Variants in COBLL1 observed in about 807,000 individuals in gnomAD.
COBLL1 encodes cordon-bleu WH2 repeat protein like 1, also known as cordon-bleu protein-like 1.
In COBLL1, 50 loss-of-function variants were observed where a neutral mutation model predicts 94.8. The observed-to-expected ratio is 0.53, with a 90% confidence interval of 0.42 to 0.67. The LOEUF (loss-of-function observed/expected upper bound fraction) is 0.67, where lower values mean the gene tolerates loss of function less well. COBLL1 is among the 30% of genes least tolerant of loss of function. The probability of loss-of-function intolerance (pLI) is 0.00; values close to 1 mark genes in which losing one functional copy is unlikely to be tolerated. For missense variants in COBLL1, 1,362 were observed against 1,348.7 expected (o/e 1.01, Z -0.15); for synonymous variants, 448 against 473.8 (o/e 0.95, Z 0.71).
rs118152112 is a variant in COBLL1 at position 164,663,145 on chromosome 2, C to T, written n.181+2702G>A. On this transcript the variant is annotated intron_variant and non_coding_transcript_variant, in intron 2 of 2. Transcript: ENST00000495084. ...TTGTTTTATCATGTTTTATTGCCTT[C>T]GTTTAATATTCTGAGGGCATAGGGC... 8.3e-4 allele frequency among the ~76,000 whole-genome samples: 127 copies of T among 152,166 alleles called. No homozygotes were observed. In the East Asian group the frequency reaches 0.022, roughly 27 times the overall value.
At chr2:164,823,348 CT>C (rs1685274360) in intron 2 of COBLL1, among the ~76,000 whole-genome samples, 1 of 152,086 alleles carries the variant, frequency 6.6e-6, no homozygotes, top group African/African-American at 2.4e-5. Context: ...ACTTCTTTTT[CT>C]TCTTAGAATG....
intron 2 of COBLL1, among the ~76,000 whole-genome samples, chr2:164,754,353 T>C (rs1271444750): frequency 6.6e-6 from 1 of 152,148 alleles, no homozygotes; most frequent in African/African-American, 2.4e-5. Context: ...TTCCAGTAAA[T>C]AGAATGCAGC....
intron 11 of COBLL1, among the ~76,000 whole-genome samples, chr2:164,699,178 A>T (rs1684105774): frequency 6.6e-6 from 1 of 152,000 alleles, no homozygotes; most frequent in Non-Finnish European, 1.5e-5. Flanking sequence ...TAGGTTCACC[A>T]CTTACCGTAG....
At chr2:164,824,317 G>T (rs1685327446) in intron 2 of COBLL1, among the ~76,000 whole-genome samples, 1 of 151,704 alleles carries the variant, frequency 6.6e-6, no homozygotes, top group Admixed American at 6.6e-5. Flanking sequence ...GGAGGTGGAG[G>T]TTGCAGTAAG....
At chr2:164,759,024 A>G (rs1319183617) in intron 2 of COBLL1, among the ~76,000 whole-genome samples, 2 of 152,180 alleles carry the variant, frequency 1.3e-5, no homozygotes, top group Non-Finnish European at 2.9e-5. Flanking sequence ...AGTTATAATT[A>G]TTAAAATATA....
intron 2 of COBLL1, among the ~76,000 whole-genome samples, chr2:164,821,973 C>T (rs1685190879): frequency 6.6e-6 from 1 of 152,198 alleles, no homozygotes; most frequent in African/African-American, 2.4e-5. Flanking sequence ...AACTTAGCTA[C>T]AGACATTTAA....
chr2:164,765,993 TTC>T (rs1011295907), intron 2 of COBLL1, among the ~76,000 whole-genome samples: 147 of 152,178 alleles, frequency 9.7e-4, no homozygotes, highest in African/African-American at 3.5e-3. Context: ...TTACAGTGTT[TTC>T]TGTCTCTCTA....
chr2:164,705,862 C>T (rs1392410069), intron 7 of COBLL1, among the ~76,000 whole-genome samples: 2 of 152,008 alleles, frequency 1.3e-5, no homozygotes, highest in East Asian at 3.9e-4. Context: ...AGTGAAAGCC[C>T]GTCTCTACTA....
intron 3 of COBLL1, among the ~76,000 whole-genome samples, chr2:164,733,563 A>G (rs901138607): frequency 1.3e-5 from 2 of 152,236 alleles, no homozygotes; most frequent in African/African-American, 2.4e-5. Flanking sequence ...TCCTATTGCC[A>G]GACAAATAAA....
At chr2:164,793,858 G>A (rs11901922) in intron 2 of COBLL1, among the ~76,000 whole-genome samples, 6,069 of 152,266 alleles carry the variant, frequency 0.04, 287 homozygotes, top group African/African-American at 0.12. Context: ...AACTGTGACG[G>A]AGTATGGAAA....
chr2:164,778,857 T>C (rs1196133605), intron 2 of COBLL1, among the ~76,000 whole-genome samples: 3 of 152,040 alleles, frequency 2.0e-5, no homozygotes, highest in African/African-American at 4.8e-5. Context: ...ATTTAAGTGA[T>C]AGATCAGCAA....
Position 164,682,384 on chromosome 2 carries a change from T to G in COBLL1, c.*3562A>C, listed in dbSNP as rs572394599. 1.3e-5 allele frequency: 2 copies of G among 152,350 alleles called. No homozygotes were observed. The highest frequency in any genetic ancestry group is 6.5e-5 in the Admixed American group (1 of 15,292). 9.4% of individuals were successfully genotyped at this position (152,350 alleles called of 1,614,324 possible). Reference sequence around the variant, plus strand: ...TCTTAGTTCTTTGATACTTATTTTCTCTACTGGTAGTGGGTACAAAGTAAA... The same window carrying G: ...TCTTAGTTCTTTGATACTTATTTTCGCTACTGGTAGTGGGTACAAAGTAAA... On this transcript the variant is annotated 3_prime_UTR_variant, in exon 14 of 14. Transcript: ENST00000652658.
chr2:164,711,090 A>G (rs2105471935), intron 7 of COBLL1, among the ~76,000 whole-genome samples: 1 of 152,250 alleles, frequency 6.6e-6, no homozygotes, highest in African/African-American at 2.4e-5. Flanking sequence ...AAGCGGTTGA[A>G]CCAGGAAACA....
intron 2 of COBLL1, among the ~76,000 whole-genome samples, chr2:164,781,790 C>T (rs1688734971): frequency 6.6e-6 from 1 of 152,130 alleles, no homozygotes; most frequent in Admixed American, 6.5e-5. Flanking sequence ...CAAGACAAAA[C>T]AAAGCATAAA....
chr2:164,785,850 AG>A (rs904189373), intron 2 of COBLL1, among the ~76,000 whole-genome samples: 6 of 152,174 alleles, frequency 3.9e-5, no homozygotes, highest in Non-Finnish European at 8.8e-5. Flanking sequence ...TCAGGGGCAT[AG>A]GCTACAGCTG....
At position 164,743,630 on chromosome 2, in the gene COBLL1, A is replaced by G. The variant is rs1686707760; in HGVS notation, c.230+57T>C. On this transcript the variant is annotated intron_variant, in intron 3 of 13. Coordinates refer to ENST00000652658, the MANE Select transcript of COBLL1 (RefSeq NM_001365672.2). The stretch of plus-strand genomic sequence containing the variant: ...AAACATCAAGACGTATATCACAGAG[A>G]CTTTCAATGGTGGAATAAGAAGGGG... 5.2e-6 allele frequency: 7 copies of G among 1,347,724 alleles called. No individual in the cohort carries two copies. In the East Asian group the frequency reaches 1.4e-4, roughly 27 times the overall value. 83.5% of individuals were successfully genotyped at this position (1,347,724 alleles called of 1,614,324 possible).
In COBLL1 at chr2:164,745,013, C is replaced by T. The variant is rs192802218; in HGVS notation, c.42-1138G>A. On this transcript the variant is annotated intron_variant, in intron 2 of 13. Coordinates refer to ENST00000652658, the MANE Select transcript of COBLL1 (RefSeq NM_001365672.2). The stretch of plus-strand genomic sequence containing the variant: ...TTGAAACTATTACCTTTATAAAAGG[C>T]TAATTGGTTTTAGAAAAATGAATAC... Among the ~76,000 whole-genome samples the T allele has an allele frequency of 7.9e-5, 12 of 152,222 alleles. No homozygotes were observed. In the East Asian group the frequency reaches 2.3e-3, roughly 29 times the overall value.
chr2:164,818,312 ACAC>A (rs1684933498), intron 2 of COBLL1, among the ~76,000 whole-genome samples: 1 of 105,194 alleles, frequency 9.5e-6, no homozygotes, highest in African/African-American at 3.7e-5. Context: ...GTATACATAT[ACAC>A]GTGTGTATGT....
intron 2 of COBLL1, among the ~76,000 whole-genome samples, chr2:164,774,865 CA>C (rs34127217): frequency 0.31 from 40,365 of 129,978 alleles, 5,606 homozygotes; most frequent in Non-Finnish European, 0.38. Flanking sequence ...TCACTTTTTT[CA>C]AAAAAAAAAA....
Sources: allele counts gnomAD v4.1 joint callset (sites outside exome capture counted in the v4.1 genomes callset), GRCh38; gene constraint gnomAD v4.1.1; transcripts MANE v1.5; gene names NCBI Gene and HGNC (gene_info 2026-07-23, HGNC 2026-07-21).